Variants in AGAP1 observed in about 807,000 individuals in gnomAD.
The protein encoded by AGAP1 is ArfGAP with GTPase domain, ankyrin repeat and PH domain 1, also known as arf-GAP with GTPase, ANK repeat and PH domain-containing protein 1.
AGAP1 carries 29 observed loss-of-function variants against 105.3 expected under a neutral mutation model. The ratio of observed to expected loss-of-function variants is 0.28; its 90% CI spans 0.21 to 0.38. AGAP1 has a LOEUF of 0.38. Ranked by LOEUF, AGAP1 falls within the 10% of genes least tolerant of loss-of-function variation. The pLI is 1.00. For missense variants in AGAP1, 998 were observed against 1,165.1 expected (o/e 0.86, Z 2.09); for synonymous variants, 509 against 485.9 (o/e 1.05, Z -0.63).
At chr2:235,506,776 C>T (rs1220311591) in intron 1 of AGAP1, among the ~76,000 whole-genome samples, 1 of 152,188 alleles carries the variant, frequency 6.6e-6, no homozygotes, top group Non-Finnish European at 1.5e-5. Flanking sequence ...CATCCATGTT[C>T]ATCCTCTTTC....
rs954882892 is a variant in AGAP1 at position 236,113,099 on chromosome 2, T to C, written c.2115-7093T>C. 1.3e-5 allele frequency among the ~76,000 whole-genome samples: 2 copies of C among 152,238 alleles called. No homozygotes were observed. The highest frequency in any genetic ancestry group is 4.8e-5 in the African/African-American group (2 of 41,460). On this transcript the variant is annotated intron_variant, in intron 16 of 17. Coordinates refer to ENST00000304032, the MANE Select transcript of AGAP1 (RefSeq NM_001037131.3). This position sits in a 1 kb window ranked among gnomAD's most constrained non-coding sequence, Gnocchi z 4.3. ...CGATTTCCCAAAATACGGCCACCACTCTGCCGTCACGTGTGCATCTTGTTC... is the reference window on the plus strand; with the variant it reads ...CGATTTCCCAAAATACGGCCACCACCCTGCCGTCACGTGTGCATCTTGTTC...
intron 10 of AGAP1, among the ~76,000 whole-genome samples, chr2:235,895,766 G>A (rs2050778770): frequency 6.6e-6 from 1 of 151,710 alleles, no homozygotes. Context: ...GGCACAATTA[G>A]CCCATATGCT....
chr2:235,937,338 C>G (rs1460148718), intron 12 of AGAP1, among the ~76,000 whole-genome samples: 1 of 152,184 alleles, frequency 6.6e-6, no homozygotes, highest in Non-Finnish European at 1.5e-5. Context: ...CAGAAGCGTC[C>G]TGGGGTAACT....
Position 235,710,644 on chromosome 2 carries a change from T to C in AGAP1, c.222+1407T>C, listed in dbSNP as rs576068389. 5.4e-4 allele frequency among the ~76,000 whole-genome samples: 83 copies of C among 152,328 alleles called. 1 individual carries two copies. The highest frequency in any genetic ancestry group is 3.4e-3 in the Middle Eastern group (1 of 294). ...GGAAAGAGCCGCCTCTTTCTGTCTT[T>C]TGTGTGCTTTGTCACCGCGGCACTG... On this transcript the variant is annotated intron_variant, in intron 2 of 17. Transcript: ENST00000304032.
chr2:235,709,898 G>A (rs562567644), intron 2 of AGAP1, among the ~76,000 whole-genome samples: 40 of 152,126 alleles, frequency 2.6e-4, no homozygotes, highest in Non-Finnish European at 4.6e-4. Context: ...GTTCTTTGTC[G>A]TGAAATATGT....
At chr2:235,925,111 C>T (rs533659987) in intron 11 of AGAP1, among the ~76,000 whole-genome samples, 20 of 152,234 alleles carry the variant, frequency 1.3e-4, no homozygotes, top group Middle Eastern at 6.8e-3. Flanking sequence ...TACTTATCCC[C>T]GAGTATAAGT....
At position 235,739,615 on chromosome 2, in the gene AGAP1, T is replaced by C. The variant is rs1042625499; in HGVS notation, c.311-1348T>C. Among the ~76,000 whole-genome samples, 1 of 152,288 alleles carries C rather than the reference T, an allele frequency of 6.6e-6. No individual in the cohort carries two copies. Among genetic ancestry groups the C allele is most frequent in the African/African-American group, 2.4e-5 (1 of 41,482 alleles). ...AACTGAACAGCAGATTTATTTGCTT[T>C]AGCAAATGCGGCTGCCTGTGATGGT... On this transcript the variant is annotated intron_variant, in intron 3 of 17. Transcript: ENST00000304032. The surrounding 1 kb of genome is among the most constrained non-coding windows in gnomAD (Gnocchi z 5.3).
chr2:236,103,551 CCTTT>C (rs747751961), intron 16 of AGAP1, among the ~76,000 whole-genome samples: 11 of 144,320 alleles, frequency 7.6e-5, no homozygotes, highest in African/African-American at 1.0e-4. Context: ...TCCTTTCTTT[CCTTT>C]CTTTCTTTCT....
At chr2:236,060,628 A>T (rs2058164697) in intron 16 of AGAP1, among the ~76,000 whole-genome samples, 1 of 151,686 alleles carries the variant, frequency 6.6e-6, no homozygotes, top group Admixed American at 6.6e-5. Context: ...CTAGGAGGTC[A>T]AGGCTGCAGT....
intron 1 of AGAP1, among the ~76,000 whole-genome samples, chr2:235,682,902 C>T (rs1448700525): frequency 1.3e-5 from 2 of 152,034 alleles, no homozygotes; most frequent in Non-Finnish European, 2.9e-5. Context: ...TCATCTCACC[C>T]CCTCCAACAC....
intron 2 of AGAP1, among the ~76,000 whole-genome samples, chr2:235,713,759 A>G (rs1950961830): frequency 6.6e-6 from 1 of 152,186 alleles, no homozygotes; most frequent in African/African-American, 2.4e-5. Context: ...AGCAGCTGAT[A>G]AACAACAGAA....
chr2:235,763,980 AG>A (rs1954684588), intron 6 of AGAP1, among the ~76,000 whole-genome samples: 1 of 107,302 alleles, frequency 9.3e-6, no homozygotes, highest in Non-Finnish European at 1.9e-5. Context: ...ACTGGTCTGA[AG>A]ATCTGTGTGT....
In AGAP1 at chr2:235,700,910, C is replaced by T. The variant is rs58942192; in HGVS notation, c.164-8269C>T. 0.7 allele frequency among the ~76,000 whole-genome samples: 102,473 copies of T among 146,786 alleles called. 36,797 individuals are homozygous for T. Among genetic ancestry groups the T allele is most frequent in the East Asian group, 0.96 (4,958 of 5,140 alleles). On this transcript the variant is annotated intron_variant, in intron 1 of 17. Coordinates refer to ENST00000304032, the MANE Select transcript of AGAP1 (RefSeq NM_001037131.3). This position sits in a 1 kb window ranked among gnomAD's most constrained non-coding sequence, Gnocchi z 6.1. Reference sequence around the variant, plus strand: ...ATATGTATATAATGTATAATATATGCATATATTATGTATTACACATGCTAG... The same window carrying T: ...ATATGTATATAATGTATAATATATGTATATATTATGTATTACACATGCTAG...
At chr2:235,652,072 T>A (rs1947613560) in intron 1 of AGAP1, among the ~76,000 whole-genome samples, 1 of 152,278 alleles carries the variant, frequency 6.6e-6, no homozygotes. Flanking sequence ...CCCTAGACCA[T>A]ATCGAAGGGG....
Position 235,976,450 on chromosome 2 carries a change from C to T in AGAP1, c.1645+7827C>T, listed in dbSNP as rs1182128610. 6.6e-6 allele frequency among the ~76,000 whole-genome samples: 1 copy of T among 152,164 alleles called. No homozygotes were observed. The highest frequency in any genetic ancestry group is 1.5e-5 in the Non-Finnish European group (1 of 68,032). On this transcript the variant is annotated intron_variant, in intron 13 of 17. Transcript: ENST00000304032. This position sits in a 1 kb window ranked among gnomAD's most constrained non-coding sequence, Gnocchi z 4.5. ...AGGTCGGAAATAAACAAAGATGAGT[C>T]GATCACAGCAGGGGCAGCCAGAACG... is the stretch of plus-strand genomic sequence containing the variant.
intron 1 of AGAP1, among the ~76,000 whole-genome samples, chr2:235,661,765 G>A (rs544909297): frequency 6.6e-6 from 1 of 152,326 alleles, no homozygotes; most frequent in Admixed American, 6.5e-5. Flanking sequence ...CGCCTTTGGG[G>A]CATGCCCAGG....
rs1178579402 is a variant in AGAP1, at chr2:235,774,381, TA to T, written c.674-23373del. 6.4e-6 allele frequency: 3 copies of T among 470,824 alleles called. No homozygotes were observed. In the Admixed American group the frequency reaches 7.1e-5, roughly 11 times the overall value. 29.2% of individuals were successfully genotyped at this position (470,824 alleles called of 1,614,324 possible). A position where few individuals can be genotyped will look rare whatever the true frequency, so the allele number is the denominator to read the frequency against. Reference sequence around the variant, plus strand: ...ATGACTCACCCCTGCTTCCAGTTTTTAAAAAGGGCTGAGTCTGTCGGGTTGA... The same window carrying T: ...ATGACTCACCCCTGCTTCCAGTTTTTAAAAGGGCTGAGTCTGTCGGGTTGA... On this transcript the variant is annotated intron_variant, in intron 6 of 17. Coordinates refer to ENST00000304032, the MANE Select transcript of AGAP1 (RefSeq NM_001037131.3).
chr2:235,722,060 A>G (rs1367292527), intron 3 of AGAP1, among the ~76,000 whole-genome samples: 2 of 152,214 alleles, frequency 1.3e-5, no homozygotes, highest in Non-Finnish European at 2.9e-5. Flanking sequence ...TAACAGTGCA[A>G]AAGTGGGTTA....
intron 6 of AGAP1, among the ~76,000 whole-genome samples, chr2:235,758,072 G>C (rs1313032341): frequency 6.6e-6 from 1 of 151,978 alleles, no homozygotes; most frequent in Non-Finnish European, 1.5e-5. Flanking sequence ...CCTGTTTTAT[G>C]ATTTGTTTTT....
Sources: gnomAD v4.1 joint callset for allele counts (sites outside exome capture counted in the v4.1 genomes callset) on GRCh38, gnomAD v4.1.1 for gene constraint, Gnocchi (gnomAD v3.1) non-coding constraint, MANE v1.5 for transcripts, NCBI Gene and HGNC (gene_info 2026-07-23, HGNC 2026-07-21) for gene names.